The following DLG2 variants were observed in gnomAD, a reference collection of about 807,000 sequenced individuals.
DLG2 encodes discs large MAGUK scaffold protein 2.
A neutral mutation model predicts 132.5 loss-of-function variants in DLG2; 45 were observed. The observed-to-expected ratio is 0.34, with a 90% CI of 0.27 to 0.44. DLG2 has a LOEUF of 0.44. Among genes scored for constraint, DLG2 ranks in the 20% least tolerant of loss-of-function variants. The pLI is 1.00. For missense variants in DLG2, 1,045 were observed against 1,196.9 expected, an observed-to-expected ratio of 0.87 and a Z score of 1.87; for synonymous variants, 424 against 419.6, an observed-to-expected ratio of 1.01 and a Z score of -0.13.
chr11:84,866,402 T>G (rs533611483), intron 6 of DLG2, among the ~76,000 whole-genome samples: 6 of 152,324 alleles, frequency 3.9e-5, no homozygotes, highest in African/African-American at 1.4e-4. Flanking sequence ...TAGTAAGATT[T>G]CACTTGGAAG....
chr11:84,258,109 G>A (rs1458877858), intron 7 of DLG2, among the ~76,000 whole-genome samples: 1 of 152,152 alleles, frequency 6.6e-6, no homozygotes, highest in Non-Finnish European at 1.5e-5. Context: ...TAGTTGCTGA[G>A]GCCCAGTGTG....
At chr11:84,634,694 A>G (rs1167273354) in intron 6 of DLG2, among the ~76,000 whole-genome samples, 1 of 152,244 alleles carries the variant, frequency 6.6e-6, no homozygotes, top group African/African-American at 2.4e-5. Flanking sequence ...TGTTAAATTT[A>G]ATTTATCCAA....
chr11:84,968,676 T>G lies in DLG2; in HGVS notation c.357+142985A>C, dbSNP rs181434534. ...AGAATTTTATACATGTTAAAATGTT[T>G]GAAAGTAATGTTCTCAGCTATTTCT... is the stretch of plus-strand genomic sequence containing the variant. On this transcript the variant is annotated intron_variant, in intron 6 of 27. Transcript: ENST00000376104. Among the ~76,000 whole-genome samples the G allele has an allele frequency of 2.0e-5, 3 of 152,310 alleles. No homozygotes were observed. In the East Asian group the frequency reaches 5.8e-4, roughly 29 times the overall value.
chr11:83,960,932 G>T (rs1748807065), intron 14 of DLG2, among the ~76,000 whole-genome samples: 2 of 151,860 alleles, frequency 1.3e-5, no homozygotes, highest in South Asian at 4.1e-4. Context: ...CAACCATTCT[G>T]ATTTTGTAGG....
At chr11:83,733,914 CCTCTCCTA>C (rs1566750871) in intron 18 of DLG2, among the ~76,000 whole-genome samples, 2 of 152,020 alleles carry the variant, frequency 1.3e-5, no homozygotes, top group South Asian at 4.2e-4. Context: ...ATTCCTCATC[CCTCTCCTA>C]CCCTCCCACC....
intron 6 of DLG2, among the ~76,000 whole-genome samples, chr11:84,930,068 T>C (rs530523068): frequency 1.3e-5 from 2 of 152,070 alleles, no homozygotes; most frequent in African/African-American, 4.8e-5. Flanking sequence ...GACAATGGAA[T>C]GGACATATCT....
At chr11:84,067,104 G>A (rs896259511) in intron 10 of DLG2, among the ~76,000 whole-genome samples, 8 of 152,134 alleles carry the variant, frequency 5.3e-5, no homozygotes, top group African/African-American at 1.9e-4. Flanking sequence ...GGAGGCCGAG[G>A]TGGGAGTATC....
chr11:85,422,798 T>G (rs896371409), intron 3 of DLG2, among the ~76,000 whole-genome samples: 2 of 152,120 alleles, frequency 1.3e-5, no homozygotes, highest in African/African-American at 4.8e-5. Flanking sequence ...GCATGATTGG[T>G]TTTTATTTCT....
intron 6 of DLG2, among the ~76,000 whole-genome samples, chr11:84,861,393 G>C (rs184426266): frequency 5.3e-5 from 8 of 151,988 alleles, no homozygotes; most frequent in Admixed American, 3.9e-4. Context: ...TGACATTACC[G>C]ACCCTTTCTG....
intron 17 of DLG2, chr11:83,791,651 C>T (rs565370140): frequency 6.0e-6 from 2 of 332,246 alleles, no homozygotes; most frequent in East Asian, 8.3e-5. Flanking sequence ...ATGAGATGGT[C>T]AGCCGGGCGC....
intron 18 of DLG2, among the ~76,000 whole-genome samples, chr11:83,737,333 AAAGT>A (rs1194438290): frequency 6.6e-6 from 1 of 152,232 alleles, no homozygotes; most frequent in Non-Finnish European, 1.5e-5. Context: ...TCATAAAGAA[AAAGT>A]GAGTGGAGGA....
intron 6 of DLG2, among the ~76,000 whole-genome samples, chr11:84,889,261 C>T (rs573507244): frequency 2.6e-5 from 4 of 152,164 alleles, no homozygotes; most frequent in African/African-American, 4.8e-5. Context: ...GATTGTTAAG[C>T]GCTAGGTAAT....
At chr11:84,390,532 T>C (rs1601269363) in intron 7 of DLG2, among the ~76,000 whole-genome samples, 1 of 152,102 alleles carries the variant, frequency 6.6e-6, no homozygotes, top group East Asian at 1.9e-4. Context: ...CAGGAAAAAC[T>C]GTATGAGTTT....
intron 6 of DLG2, among the ~76,000 whole-genome samples, chr11:84,623,367 T>G (rs1355790790): frequency 6.6e-6 from 1 of 152,180 alleles, no homozygotes. Context: ...TCAAGGAAAA[T>G]TCTTTCCATG....
At chr11:85,252,479 G>A (rs2076445605) in intron 4 of DLG2, among the ~76,000 whole-genome samples, 1 of 152,146 alleles carries the variant, frequency 6.6e-6, no homozygotes, top group South Asian at 2.1e-4. Flanking sequence ...CCAGATACTT[G>A]GGAGGCTGAA....
intron 6 of DLG2, among the ~76,000 whole-genome samples, chr11:85,069,657 A>G (rs1205573555): frequency 6.6e-6 from 1 of 152,088 alleles, no homozygotes; most frequent in Non-Finnish European, 1.5e-5. Context: ...GAAATAACAG[A>G]TGCTAGAGAG....
intron 7 of DLG2, among the ~76,000 whole-genome samples, chr11:84,403,858 C>T (rs963440593): frequency 2.6e-5 from 4 of 152,206 alleles, no homozygotes; most frequent in Non-Finnish European, 4.4e-5. Flanking sequence ...TGATAACTCA[C>T]AGTTCCTATT....
intron 4 of DLG2, among the ~76,000 whole-genome samples, chr11:85,232,227 T>C (rs977522543): frequency 2.0e-5 from 3 of 152,012 alleles, no homozygotes; most frequent in Non-Finnish European, 4.4e-5. Flanking sequence ...GCTTTATGAC[T>C]TTTGTCCAAT....
chr11:83,756,634 G>T (rs1449120360), intron 18 of DLG2, among the ~76,000 whole-genome samples: 2 of 151,336 alleles, frequency 1.3e-5, no homozygotes, highest in African/African-American at 2.5e-5. Flanking sequence ...ATTCTTGTGA[G>T]AATCGAATGT....
Sources: gnomAD v4.1 joint callset for allele counts (sites outside exome capture counted in the v4.1 genomes callset) on GRCh38, gnomAD v4.1.1 for gene constraint, MANE v1.5 for transcripts, NCBI Gene and HGNC (gene_info 2026-07-23, HGNC 2026-07-21) for gene names.